The following RNF19A variants were observed in gnomAD, a reference collection of about 807,000 sequenced individuals.
RNF19A encodes ring finger protein 19A, RBR E3 ubiquitin protein ligase.
In RNF19A, 32 loss-of-function variants were observed where a neutral mutation model predicts 75.7. That is an observed-to-expected ratio of 0.42 (90% CI 0.32 to 0.57). The LOEUF (loss-of-function observed/expected upper bound fraction) is 0.57, where lower values mean the gene tolerates loss of function less well. RNF19A is among the 20% of genes least tolerant of loss of function. The pLI, the probability that RNF19A is intolerant of heterozygous loss-of-function variation, is 0.10. For missense variants in RNF19A, 782 were observed against 1,036.3 expected, an observed-to-expected ratio of 0.75 and a Z score of 3.37; for synonymous variants, 335 against 345.2, an observed-to-expected ratio of 0.97 and a Z score of 0.33.
intron 1 of RNF19A, among the ~76,000 whole-genome samples, chr8:100,316,236 A>G (rs1385072606): frequency 6.6e-6 from 1 of 151,832 alleles, no homozygotes; most frequent in African/African-American, 2.4e-5. Context: ...GAAGCAGCAG[A>G]CCTTCGCGGT....
intron 5 of RNF19A, 151 bp downstream of exon 5, chr8:100,268,634 A>G (rs1213091615): frequency 2.3e-6 from 1 of 439,650 alleles, no homozygotes; most frequent in African/African-American, 2.0e-5. Flanking sequence ...AAAATTTATG[A>G]AAAAAGAGTA....
At chr8:100,321,203 C>T (rs763037362) in intron 1 of RNF19A, among the ~76,000 whole-genome samples, 6 of 152,224 alleles carry the variant, frequency 3.9e-5, no homozygotes, top group Non-Finnish European at 8.8e-5. Context: ...CAGCATTTTA[C>T]CCACAGTAGA....
At position 100,288,116 on chromosome 8, in the gene RNF19A, GTGTT is replaced by G; in HGVS notation, c.55_58del (p.Asn19LeufsTer7). 1 of 1,613,990 alleles carries G rather than the reference GTGTT, an allele frequency of 6.2e-7. No individual in the cohort carries two copies. Among genetic ancestry groups the G allele is most frequent in the Non-Finnish European group, 8.5e-7 (1 of 1,179,998 alleles). On this transcript the variant is annotated frameshift_variant, in exon 2 of 10. Transcript: ENST00000341084. LOFTEE classifies it high-confidence loss of function. ...GCTTGTTAGAATTGAGACAGGGTCA[GTGTT>G]TACACACAGCCCTTCATTATATTTA...
chr8:100,319,141 G>A (rs962452), intron 1 of RNF19A, among the ~76,000 whole-genome samples: 70,189 of 152,030 alleles, frequency 0.46, 17,154 homozygotes, highest in African/African-American at 0.63. Context: ...ACTCAAAGAT[G>A]GACATTCTAT....
chr8:100,280,378 A>G (rs936768741), intron 2 of RNF19A, among the ~76,000 whole-genome samples: 2 of 152,186 alleles, frequency 1.3e-5, no homozygotes, highest in Non-Finnish European at 2.9e-5. Flanking sequence ...AGAGATGAGG[A>G]GAGAGGAAGA....
At chr8:100,270,566 T>C (rs1266572340) in intron 3 of RNF19A, among the ~76,000 whole-genome samples, 1 of 152,092 alleles carries the variant, frequency 6.6e-6, no homozygotes, top group East Asian at 1.9e-4. Context: ...CAGGTATCTT[T>C]AGAAAAGCAG....
intron 3 of RNF19A, among the ~76,000 whole-genome samples, chr8:100,273,682 C>G (rs1054182260): frequency 5.9e-5 from 9 of 152,152 alleles, no homozygotes; most frequent in Non-Finnish European, 8.8e-5. Context: ...TGTGGTTTCT[C>G]TAAGGTCCCC....
chr8:100,309,142 C>A (rs1017441782), intron 1 of RNF19A, among the ~76,000 whole-genome samples: 3 of 152,146 alleles, frequency 2.0e-5, no homozygotes, highest in African/African-American at 7.2e-5. Flanking sequence ...AGTAGTATTA[C>A]TTGCCGGGCG....
intron 5 of RNF19A, among the ~76,000 whole-genome samples, chr8:100,266,436 T>C (rs930185064): frequency 6.6e-6 from 1 of 152,242 alleles, no homozygotes; most frequent in Non-Finnish European, 1.5e-5. Flanking sequence ...CTGAATAGTT[T>C]TGTTTTCAGC....
rs1822582242 is a variant in RNF19A at position 100,329,443 on chromosome 8, C to A, written c.-243+6665G>T. ...ACAGTGCTGCAAAAACAAAACAAAA[C>A]AAAACAAACAAACAAACAAAAAAAG... On this transcript the variant is annotated intron_variant, in intron 1 of 3. Transcript: ENST00000519527. This position sits in a 1 kb window ranked among gnomAD's most constrained non-coding sequence, Gnocchi z 4.3. 6.6e-6 allele frequency among the ~76,000 whole-genome samples: 1 copy of A among 151,708 alleles called. No individual in the cohort carries two copies. Among genetic ancestry groups the A allele is most frequent in the African/African-American group, 2.4e-5 (1 of 41,286 alleles).
chr8:100,269,021 C>T lies in RNF19A; in HGVS notation c.1029-74G>A. The T allele has an allele frequency of 2.5e-6, 3 of 1,183,466 alleles. No individual in the cohort carries two copies. The highest frequency in any genetic ancestry group is 3.4e-6 in the Non-Finnish European group (3 of 878,006). The allele number at this position is 1,183,466 out of a possible 1,614,324, so 73.3% of individuals were successfully genotyped here. On this transcript the variant is annotated intron_variant, in intron 4 of 9. Coordinates refer to ENST00000341084, the MANE Select transcript of RNF19A (RefSeq NM_183419.4). The surrounding 1 kb of genome is among the most constrained non-coding windows in gnomAD (Gnocchi z 5.7). ...AACAAATTAGTGCACTATATTAAAA[C>T]AATGACTATTTTTAAAAACTTCTCA...
upstream of RNF19A, chr8:100,310,294 C>G (rs991813663): frequency 5.2e-6 from 5 of 964,314 alleles, no homozygotes; most frequent in African/African-American, 8.8e-5. Flanking sequence ...AGGAGCCGCC[C>G]CGCTGCACCC....
intron 1 of RNF19A, among the ~76,000 whole-genome samples, chr8:100,297,423 A>G (rs932972549): frequency 6.6e-6 from 1 of 152,242 alleles, no homozygotes; most frequent in African/African-American, 2.4e-5. Flanking sequence ...ATGCTGTTAC[A>G]TGCTCATCTG....
chr8:100,272,264 T>A (rs548542101), intron 3 of RNF19A, among the ~76,000 whole-genome samples: 11 of 152,270 alleles, frequency 7.2e-5, no homozygotes, highest in Non-Finnish European at 1.5e-4. Flanking sequence ...GCTGTCACAA[T>A]TTAAACACAT....
intron 1 of RNF19A, among the ~76,000 whole-genome samples, chr8:100,292,435 G>GGGGGGGGGTGTGT (rs137938989): frequency 2.8e-5 from 4 of 145,332 alleles, no homozygotes; most frequent in African/African-American, 1.0e-4. Context: ...CTATCATATG[G>GGGGGGGGGTGTGT]GTGTGTGTGT....
chr8:100,309,299 T>A, intron 1 of RNF19A: 1 of 985,326 alleles, frequency 1.0e-6, no homozygotes, highest in Non-Finnish European at 1.2e-6. Flanking sequence ...CGGACTAACC[T>A]TCCTCCGAAC....
intron 2 of RNF19A, among the ~76,000 whole-genome samples, chr8:100,281,181 G>A (rs1481882286): frequency 6.6e-6 from 1 of 152,138 alleles, no homozygotes; most frequent in African/African-American, 2.4e-5. Flanking sequence ...ACCTAGGAGT[G>A]GATGGACAGC....
At chr8:100,278,765 A>T (rs1399397953) in intron 2 of RNF19A, among the ~76,000 whole-genome samples, 1 of 152,152 alleles carries the variant, frequency 6.6e-6, no homozygotes, top group African/African-American at 2.4e-5. Context: ...TTAATTAATG[A>T]TTTAAGTAAA....
chr8:100,271,448 G>A (rs1820250141), intron 3 of RNF19A, among the ~76,000 whole-genome samples: 1 of 152,188 alleles, frequency 6.6e-6, no homozygotes, highest in African/African-American at 2.4e-5. Context: ...ATCTGCGTAA[G>A]CAGCATGTTA....
Sources: allele counts gnomAD v4.1 joint callset (sites outside exome capture counted in the v4.1 genomes callset), GRCh38; gene constraint gnomAD v4.1.1; non-coding constraint Gnocchi (gnomAD v3.1); transcripts MANE v1.5; gene names NCBI Gene and HGNC (gene_info 2026-07-23, HGNC 2026-07-21).